The following MAD1L1 variants were observed in gnomAD, a reference collection of about 807,000 sequenced individuals.
The protein encoded by MAD1L1 is mitotic arrest deficient 1 like 1, also known as mitotic spindle assembly checkpoint protein MAD1.
A neutral mutation model predicts 96.9 loss-of-function variants in MAD1L1; 95 were observed. The observed-to-expected ratio is 0.98, with a 90% CI of 0.83 to 1.16. The LOEUF (loss-of-function observed/expected upper bound fraction) is 1.16, where lower values mean the gene tolerates loss of function less well. Ranked by LOEUF, MAD1L1 falls within the 50% of genes most tolerant of loss-of-function variation. The pLI, the probability that MAD1L1 is intolerant of heterozygous loss-of-function variation, is 0.00. For synonymous variants in MAD1L1, 473 were observed against 396.6 expected, an observed-to-expected ratio of 1.19 and a Z score of -2.29; for missense variants, 1,007 against 954.4, an observed-to-expected ratio of 1.06 and a Z score of -0.73.
At chr7:1,830,328 C>T (rs1355530497) in intron 18 of MAD1L1, among the ~76,000 whole-genome samples, 6 of 152,110 alleles carry the variant, frequency 3.9e-5, no homozygotes, top group East Asian at 3.9e-4. Context: ...ACCTGGGAGG[C>T]GGAGGTTGCA....
At chr7:1,887,383 G>A (rs1786127504) in intron 18 of MAD1L1, among the ~76,000 whole-genome samples, 1 of 150,994 alleles carries the variant, frequency 6.6e-6, no homozygotes, top group African/African-American at 2.4e-5. Context: ...GTGCATGCGT[G>A]TACATGCATG....
intron 12 of MAD1L1, among the ~76,000 whole-genome samples, chr7:2,060,612 C>G (rs1185941133): frequency 6.6e-6 from 1 of 152,162 alleles, no homozygotes; most frequent in South Asian, 2.1e-4. Flanking sequence ...AGCATGGAAT[C>G]GTAAACAAAT....
chr7:1,869,479 C>T (rs140007659), intron 18 of MAD1L1, among the ~76,000 whole-genome samples: 2 of 152,216 alleles, frequency 1.3e-5, no homozygotes, highest in African/African-American at 4.8e-5. Context: ...AGCCCACGTG[C>T]AGCTGGGAGC....
chr7:2,220,011 C>T (rs936052618), intron 5 of MAD1L1, among the ~76,000 whole-genome samples: 1 of 152,188 alleles, frequency 6.6e-6, no homozygotes, highest in Non-Finnish European at 1.5e-5. Flanking sequence ...TCCACATACC[C>T]GCCACACCAT....
chr7:1,827,827 G>A lies in MAD1L1; in HGVS notation c.1999-11599C>T, dbSNP rs150648220. Among the ~76,000 whole-genome samples, 956 of 151,904 alleles carry A rather than the reference G, an allele frequency of 6.3e-3. 19 individuals carry two copies. In the East Asian group the frequency reaches 0.077, roughly 12 times the overall value. On this transcript the variant is annotated intron_variant, in intron 18 of 18. Transcript: ENST00000265854. ...TGTGGGGTCCTCCCCTCCTGGGCCC[G>A]GGCTAGACAGCACCACCCTTTCCAG...
chr7:1,972,587 T>C (rs2128480400), intron 15 of MAD1L1, among the ~76,000 whole-genome samples: 1 of 93,116 alleles, frequency 1.1e-5, no homozygotes, highest in South Asian at 4.9e-4. Context: ...TTGCTAGAGA[T>C]TTGTCAATTT....
chr7:2,222,264 G>A (rs1403004813), intron 5 of MAD1L1, among the ~76,000 whole-genome samples: 1 of 152,028 alleles, frequency 6.6e-6, no homozygotes, highest in Non-Finnish European at 1.5e-5. Flanking sequence ...ATTTTTAGTA[G>A]AGATGGGGTT....
At chr7:1,817,699 G>A (rs986420032) in intron 18 of MAD1L1, among the ~76,000 whole-genome samples, 3 of 152,160 alleles carry the variant, frequency 2.0e-5, no homozygotes, top group African/African-American at 2.4e-5. Context: ...TAGACGTGAG[G>A]GTGAGCTGCA....
chr7:2,128,173 GA>G (rs1788328920), intron 11 of MAD1L1, among the ~76,000 whole-genome samples: 1 of 152,136 alleles, frequency 6.6e-6, no homozygotes, highest in South Asian at 2.1e-4. Flanking sequence ...CATGAAGCCG[GA>G]CAATTGTCCT....
chr7:1,875,586 G>A (rs1431766617), intron 18 of MAD1L1, among the ~76,000 whole-genome samples: 1 of 152,234 alleles, frequency 6.6e-6, no homozygotes, highest in Non-Finnish European at 1.5e-5. Flanking sequence ...CGGGCTGGGA[G>A]GGGCAGGGAG....
rs28545734 is a variant in MAD1L1 at position 1,815,888 on chromosome 7, T to A, written c.*182A>T. The A allele has an allele frequency of 9.4e-4, 617 of 657,318 alleles. 2 individuals carry two copies. The African/African-American group carries it at 9.7e-3, about 10-fold the overall frequency. 40.7% of individuals were successfully genotyped at this position (657,318 alleles called of 1,614,324 possible). A position where few individuals can be genotyped will look rare whatever the true frequency, so the allele number is the denominator to read the frequency against. On this transcript the variant is annotated 3_prime_UTR_variant, in exon 19 of 19. Transcript: ENST00000265854. ...CTCCGGGACGCATGGGGTCTGCACG[T>A]GGAGAGGGTGCTGGCCGCCCCAGCA...
intron 18 of MAD1L1, among the ~76,000 whole-genome samples, chr7:1,825,994 G>A (rs1419835667): frequency 6.6e-6 from 1 of 152,176 alleles, no homozygotes; most frequent in African/African-American, 2.4e-5. Flanking sequence ...CCCCAGCTTG[G>A]CTTCATGACC....
At chr7:1,916,553 C>A (rs1788409201) in intron 17 of MAD1L1, among the ~76,000 whole-genome samples, 1 of 152,162 alleles carries the variant, frequency 6.6e-6, no homozygotes, top group African/African-American at 2.4e-5. Flanking sequence ...GGACACACGC[C>A]CAGCAGACAG....
chr7:1,956,731 G>A (rs934384065), intron 16 of MAD1L1, among the ~76,000 whole-genome samples: 9 of 152,234 alleles, frequency 5.9e-5, no homozygotes, highest in East Asian at 1.9e-4. Context: ...CCGAGCACAC[G>A]CCGTCTGCGC....
At position 1,855,375 on chromosome 7, in the gene MAD1L1, A is replaced by C. The variant is rs887666025; in HGVS notation, c.1999-39147T>G. 2.0e-5 allele frequency among the ~76,000 whole-genome samples: 3 copies of C among 151,910 alleles called. 1 individual carries two copies. In the East Asian group the frequency reaches 5.8e-4, roughly 29 times the overall value. Reference sequence around the variant, plus strand: ...AAGCTGAGCATTCCCCAGGTGCTTAAGTTCCGCTTCCTTCTGCTTGATGCC... The same window carrying C: ...AAGCTGAGCATTCCCCAGGTGCTTACGTTCCGCTTCCTTCTGCTTGATGCC... On this transcript the variant is annotated intron_variant, in intron 18 of 18. Transcript: ENST00000265854.
chr7:1,896,277 A>G (rs1472322447), intron 18 of MAD1L1, among the ~76,000 whole-genome samples: 2 of 152,224 alleles, frequency 1.3e-5, no homozygotes, highest in African/African-American at 4.8e-5. Context: ...AGGCCAGCCC[A>G]AGCCTTCTGG....
rs532227397 is a variant in MAD1L1, at chr7:2,017,722, C to T, written c.1219-3080G>A. Among the ~76,000 whole-genome samples, 9 of 152,330 alleles carry T rather than the reference C, an allele frequency of 5.9e-5. No homozygotes were observed. The South Asian group carries it at 6.2e-4, about 11-fold the overall frequency. ...ATTCCCTCATCAGCAGGTGCTCCGGCGCGCTAATTACCACAGAGCTTTTGA... is the reference window on the plus strand; with the variant it reads ...ATTCCCTCATCAGCAGGTGCTCCGGTGCGCTAATTACCACAGAGCTTTTGA... On this transcript the variant is annotated intron_variant, in intron 12 of 18. Transcript: ENST00000265854.
intron 18 of MAD1L1, among the ~76,000 whole-genome samples, chr7:1,827,610 G>A (rs1469249132): frequency 5.5e-5 from 6 of 109,694 alleles, no homozygotes; most frequent in Admixed American, 8.2e-5. Context: ...CGGGTGTGGG[G>A]TCCTCCCCTC....
At chr7:1,958,144 CAGGAA>C (rs552489667) in intron 15 of MAD1L1, among the ~76,000 whole-genome samples, 9 of 152,250 alleles carry the variant, frequency 5.9e-5, no homozygotes, top group African/African-American at 2.2e-4. Context: ...GAGGAAAAGA[CAGGAA>C]AGGACTTCTA....
Sources: gnomAD v4.1 joint callset for allele counts (sites outside exome capture counted in the v4.1 genomes callset) on GRCh38, gnomAD v4.1.1 for gene constraint, MANE v1.5 for transcripts, NCBI Gene and HGNC (gene_info 2026-07-23, HGNC 2026-07-21) for gene names.